TXLNB: variants seen among roughly 807,000 people sequenced by gnomAD.
TXLNB encodes the protein taxilin beta, also known as beta-taxilin.
Under a neutral mutation model 57.4 loss-of-function variants are expected in TXLNB, and 37 were observed. The ratio of observed to expected loss-of-function variants is 0.64; its 90% CI spans 0.50 to 0.85. TXLNB has a LOEUF of 0.85. Ranked by LOEUF, TXLNB falls within the 40% of genes least tolerant of loss-of-function variation. The pLI is 0.00. For synonymous variants in TXLNB, 302 were observed against 309.6 expected (o/e 0.98, Z 0.26); for missense variants, 848 against 825.6 (o/e 1.03, Z -0.33).
chr6:139,255,271 TG>T (rs1305634573), intron 7 of TXLNB: 1 of 414,088 alleles, frequency 2.4e-6, no homozygotes, highest in African/African-American at 2.1e-5. Context: ...AAGTGCTAGA[TG>T]GGAACCTGGA....
intron 1 of TXLNB, among the ~76,000 whole-genome samples, chr6:139,290,967 C>G (rs1341871913): frequency 6.6e-6 from 1 of 152,202 alleles, no homozygotes; most frequent in Non-Finnish European, 1.5e-5. Flanking sequence ...TGATGCTCAC[C>G]AAACACTCAT....
the TXLNB span, among the ~76,000 whole-genome samples, chr6:139,299,402 C>T: frequency 6.6e-6 from 1 of 152,228 alleles, no homozygotes; most frequent in African/African-American, 2.4e-5. Flanking sequence ...ACAAACCTTA[C>T]TAATGGCAAG....
rs367910214 is a variant in TXLNB, at chr6:139,288,887, G to C, written c.13C>G (p.His5Asp). Residue 5 changes from histidine to aspartate, a missense_variant, in exon 2 of 10, where the codon CAC (histidine) becomes GAC (aspartate). Coordinates refer to ENST00000358430, the MANE Select transcript of TXLNB (RefSeq NM_153235.4). ...CGTTCCGCTGAGAGCTGTTCAGAGTGATTAGCCTCCATCTTGGGAGTAGTA... is the reference window on the plus strand; with the variant it reads ...CGTTCCGCTGAGAGCTGTTCAGAGTCATTAGCCTCCATCTTGGGAGTAGTA... MEAN[H>D]SEQLSAERQS... 2 of 1,611,840 alleles carry C rather than the reference G, an allele frequency of 1.2e-6. No individual in the cohort carries two copies. The highest frequency in any genetic ancestry group is 1.7e-5 in the Admixed American group (1 of 59,978).
the TXLNB span, among the ~76,000 whole-genome samples, chr6:139,173,442 C>T: frequency 6.6e-6 from 1 of 152,166 alleles, no homozygotes. Flanking sequence ...ACATACATAC[C>T]TTTCCATCGG....
chr6:139,214,896 A>T, the TXLNB span, among the ~76,000 whole-genome samples: 1 of 152,198 alleles, frequency 6.6e-6, no homozygotes, highest in Non-Finnish European at 1.5e-5. Flanking sequence ...AAGAGAATAA[A>T]ATACCTAGGA....
intron 4 of TXLNB, among the ~76,000 whole-genome samples, chr6:139,265,483 C>T (rs115723514): frequency 0.015 from 2,231 of 151,906 alleles, 56 homozygotes; most frequent in African/African-American, 0.051. Context: ...ATTAAAGAAG[C>T]GGTTTTAATA....
intron 8 of TXLNB, chr6:139,245,532 CAT>C: frequency 6.6e-6 from 1 of 152,330 alleles, no homozygotes; most frequent in Middle Eastern, 3.4e-3. Flanking sequence ...CTGGATGAAA[CAT>C]AGCTGGGCAC....
chr6:139,177,283 A>G, the TXLNB span: 9 of 487,758 alleles, frequency 1.8e-5, no homozygotes, highest in Non-Finnish European at 2.9e-5. The surrounding 1 kb of genome is among the most constrained non-coding windows in gnomAD (Gnocchi z 4.9). Flanking sequence ...CCGAGTGTTA[A>G]TCTGTGGTTT....
At chr6:139,272,548 A>G (rs1776791138) in intron 3 of TXLNB, among the ~76,000 whole-genome samples, 1 of 152,228 alleles carries the variant, frequency 6.6e-6, no homozygotes, top group African/African-American at 2.4e-5. Flanking sequence ...AACAAAACCC[A>G]TATTACTAAA....
chr6:139,300,922 G>A, the TXLNB span, among the ~76,000 whole-genome samples: 3 of 152,120 alleles, frequency 2.0e-5, no homozygotes, highest in African/African-American at 7.2e-5. Flanking sequence ...CTTCCCTTGT[G>A]TGTTCCTTAA....
In TXLNB at chr6:139,242,509, T is replaced by C; in HGVS notation, c.*17A>G. 6.8e-7 allele frequency: 1 copy of C among 1,481,372 alleles called. No individual in the cohort carries two copies. Among genetic ancestry groups the C allele is most frequent in the Non-Finnish European group, 9.0e-7 (1 of 1,116,950 alleles). The allele number at this position is 1,481,372 out of a possible 1,614,324, so 91.8% of individuals were successfully genotyped here. A position where few individuals can be genotyped will look rare whatever the true frequency, so the allele number is the denominator to read the frequency against. On this transcript the variant is annotated 3_prime_UTR_variant, in exon 10 of 10. Transcript: ENST00000358430. ...ATGCAAAGAGGCAGGAAGAAGCCTC[T>C]GAAGGCACGGTGAGGCTTAGTCGAC...
chr6:139,200,817 C>T, the TXLNB span, among the ~76,000 whole-genome samples: 1 of 152,128 alleles, frequency 6.6e-6, no homozygotes, highest in East Asian at 1.9e-4. Flanking sequence ...TTTCTTGTTA[C>T]CCCTTGTAAC....
At chr6:139,285,310 A>G (rs1777148172) in intron 2 of TXLNB, among the ~76,000 whole-genome samples, 1 of 138,936 alleles carries the variant, frequency 7.2e-6, no homozygotes, top group South Asian at 2.5e-4. Flanking sequence ...ACACACCCCA[A>G]TTCTTATGTA....
chr6:139,196,365 G>GTTTTTTTTT, the TXLNB span, among the ~76,000 whole-genome samples: 5 of 38,992 alleles, frequency 1.3e-4, 1 homozygote, highest in Non-Finnish European at 2.4e-4. Flanking sequence ...TCCAGATCTG[G>GTTTTTTTTT]TTTTTTTTTT....
At chr6:139,223,936 C>T in the TXLNB span, among the ~76,000 whole-genome samples, 3 of 150,248 alleles carry the variant, frequency 2.0e-5, no homozygotes, top group African/African-American at 7.4e-5. Context: ...CCCAGCCATC[C>T]CATTACTGGG....
At chr6:139,319,347 G>C in the TXLNB span, among the ~76,000 whole-genome samples, 16 of 148,452 alleles carry the variant, frequency 1.1e-4, no homozygotes, top group African/African-American at 4.0e-4. Context: ...CGATCTGCCT[G>C]CTTTGGCCTC....
At chr6:139,194,081 T>A in the TXLNB span, among the ~76,000 whole-genome samples, 2 of 151,826 alleles carry the variant, frequency 1.3e-5, no homozygotes, top group Non-Finnish European at 2.9e-5. Context: ...GACCTCGTGA[T>A]CCGCCCGCCT....
the TXLNB span, among the ~76,000 whole-genome samples, chr6:139,162,363 T>C: frequency 6.6e-6 from 1 of 152,210 alleles, no homozygotes; most frequent in African/African-American, 2.4e-5. Context: ...ATAGTTTTTT[T>C]CATTTCATTC....
chr6:139,293,269 T>G (rs959795932), upstream of TXLNB, among the ~76,000 whole-genome samples: 1 of 152,128 alleles, frequency 6.6e-6, no homozygotes, highest in African/African-American at 2.4e-5. Flanking sequence ...TTTTTGTATT[T>G]TTAGTAGAGA....
Sources: allele counts gnomAD v4.1 joint callset (sites outside exome capture counted in the v4.1 genomes callset), GRCh38; gene constraint gnomAD v4.1.1; non-coding constraint Gnocchi (gnomAD v3.1); transcripts MANE v1.5; gene names NCBI Gene and HGNC (gene_info 2026-07-23, HGNC 2026-07-21).